KCNMA1: variants seen among roughly 807,000 people sequenced by gnomAD.
KCNMA1 encodes the protein Calcium-activated potassium channel subunit alpha-1.
In KCNMA1, 29 loss-of-function variants were observed where a neutral mutation model predicts 140.0. The ratio of observed to expected loss-of-function variants is 0.21; its 90% CI spans 0.15 to 0.28. The LOEUF (loss-of-function observed/expected upper bound fraction) is 0.28. KCNMA1 is among the 10% of genes least tolerant of loss of function. The probability of loss-of-function intolerance (pLI) is 1.00; values close to 1 mark genes in which losing one functional copy is unlikely to be tolerated. For synonymous variants in KCNMA1, 612 were observed against 611.9 expected, an observed-to-expected ratio of 1.00 and a Z score of 0.00; for missense variants, 880 against 1,602.2, an observed-to-expected ratio of 0.55 and a Z score of 7.70.
At chr10:77,601,476 T>C (rs1422744217) in intron 1 of KCNMA1, among the ~76,000 whole-genome samples, 1 of 152,172 alleles carries the variant, frequency 6.6e-6, no homozygotes, top group Admixed American at 6.5e-5. Context: ...CAAGCACAAA[T>C]AACACCATCG....
At chr10:76,946,335 G>A (rs1189058495) in intron 22 of KCNMA1, among the ~76,000 whole-genome samples, 1 of 152,192 alleles carries the variant, frequency 6.6e-6, no homozygotes, top group Non-Finnish European at 1.5e-5. Flanking sequence ...CTCTTTGCCT[G>A]TGTGGTGACC....
intron 19 of KCNMA1, among the ~76,000 whole-genome samples, chr10:76,972,059 C>T (rs982984108): frequency 5.9e-5 from 9 of 151,888 alleles, no homozygotes; most frequent in African/African-American, 7.3e-5. Flanking sequence ...ACTAACTAGA[C>T]GTATAAGACA....
At chr10:76,901,134 G>C (rs1321730006) in intron 25 of KCNMA1, among the ~76,000 whole-genome samples, 7 of 151,812 alleles carry the variant, frequency 4.6e-5, no homozygotes, top group Non-Finnish European at 1.0e-4. Flanking sequence ...AAAATACTCT[G>C]GATAAAATAT....
intron 1 of KCNMA1, among the ~76,000 whole-genome samples, chr10:77,597,679 T>A (rs144149586): frequency 0.022 from 3,327 of 152,304 alleles, 74 homozygotes; most frequent in Admixed American, 0.069. Flanking sequence ...ATTTCCTGCC[T>A]TTATTCCTGT....
chr10:77,518,544 T>A (rs541725886), intron 1 of KCNMA1, among the ~76,000 whole-genome samples: 1 of 152,120 alleles, frequency 6.6e-6, no homozygotes, highest in East Asian at 1.9e-4. Flanking sequence ...TAGGAGCACG[T>A]GTTAGTACTG....
chr10:77,377,096 GGCCTGGTCAGAGATGCTGGGACA>G (rs1174649045), intron 2 of KCNMA1, among the ~76,000 whole-genome samples: 1 of 152,150 alleles, frequency 6.6e-6, no homozygotes, highest in African/African-American at 2.4e-5. Flanking sequence ...AGGTGACCTT[GGCCTGGTCAGAGATGCTGGGACA>G]GCCTGGACGT....
At chr10:77,489,167 A>T (rs984584379) in intron 1 of KCNMA1, among the ~76,000 whole-genome samples, 1 of 152,224 alleles carries the variant, frequency 6.6e-6, no homozygotes, top group African/African-American at 2.4e-5. Context: ...TGCCAGTTAC[A>T]TTTGAAATTC....
chr10:77,251,870 TTC>T (rs2059728282), intron 2 of KCNMA1, among the ~76,000 whole-genome samples: 1 of 152,210 alleles, frequency 6.6e-6, no homozygotes, highest in Non-Finnish European at 1.5e-5. Flanking sequence ...CTAATCTACT[TTC>T]TGTCACTACA....
At chr10:77,010,010 T>A (rs142132993) in intron 18 of KCNMA1, among the ~76,000 whole-genome samples, 1 of 152,128 alleles carries the variant, frequency 6.6e-6, no homozygotes, top group Non-Finnish European at 1.5e-5. Context: ...AAACCAAAAA[T>A]AGCAGCTCAT....
intron 14 of KCNMA1, among the ~76,000 whole-genome samples, chr10:77,072,247 A>T (rs2096241447): frequency 6.6e-6 from 1 of 152,152 alleles, no homozygotes; most frequent in African/African-American, 2.4e-5. Flanking sequence ...CTCAAGCTAG[A>T]CCCGTTTTAC....
At chr10:77,035,023 G>T (rs1273309966) in intron 15 of KCNMA1, among the ~76,000 whole-genome samples, 1 of 152,060 alleles carries the variant, frequency 6.6e-6, no homozygotes, top group African/African-American at 2.4e-5. Flanking sequence ...CCTCCCTGGG[G>T]GTAGGGGAGT....
chr10:77,011,551 C>A lies in KCNMA1; in HGVS notation c.2092+416G>T, dbSNP rs564779344. 3.3e-5 allele frequency among the ~76,000 whole-genome samples: 5 copies of A among 152,300 alleles called. No individual in the cohort carries two copies. The South Asian group carries it at 1.0e-3, about 32-fold the overall frequency. The stretch of plus-strand genomic sequence containing the variant: ...AAAGAGTCAACTCCCATTTTGGAGA[C>A]CAAGTCCTCAGATTTAGTTTCTCTC... On this transcript the variant is annotated intron_variant, in intron 18 of 27. Coordinates refer to ENST00000286628, the MANE Select transcript of KCNMA1 (RefSeq NM_001161352.2).
At chr10:77,261,608 TA>T (rs2154266770) in intron 2 of KCNMA1, among the ~76,000 whole-genome samples, 1 of 152,348 alleles carries the variant, frequency 6.6e-6, no homozygotes, top group African/African-American at 2.4e-5. Context: ...AAAGCAGTTG[TA>T]ACAGGAAGTC....
At chr10:77,413,056 C>T (rs186535926) in intron 1 of KCNMA1, among the ~76,000 whole-genome samples, 16 of 152,180 alleles carry the variant, frequency 1.1e-4, no homozygotes, top group African/African-American at 3.9e-4. Flanking sequence ...CAGGGTTTCA[C>T]CATGTTGGCC....
intron 20 of KCNMA1, among the ~76,000 whole-genome samples, chr10:76,962,370 C>A (rs1450341550): frequency 6.6e-6 from 1 of 152,152 alleles, no homozygotes; most frequent in African/African-American, 2.4e-5. Context: ...CACGATAAGG[C>A]CTTTTCTGTC....
rs988064244 is a variant in KCNMA1 at position 76,896,800 on chromosome 10, A to G, written c.3148-5081T>C. ...AACTAAAATACAAAGTTTCTTTTTG[A>G]TGCCATGAACATGTTCTAAAATTGA... On this transcript the variant is annotated intron_variant, in intron 25 of 27. Coordinates refer to ENST00000286628, the MANE Select transcript of KCNMA1 (RefSeq NM_001161352.2). Among the ~76,000 whole-genome samples, 4 of 152,234 alleles carry G rather than the reference A, an allele frequency of 2.6e-5. No individual in the cohort carries two copies. The East Asian group carries it at 7.7e-4, about 29-fold the overall frequency.
At chr10:77,345,796 C>G (rs1344960906) in intron 2 of KCNMA1, among the ~76,000 whole-genome samples, 1 of 152,188 alleles carries the variant, frequency 6.6e-6, no homozygotes, top group Admixed American at 6.5e-5. Flanking sequence ...TTGAACACGG[C>G]TTTGTGCTTG....
intron 5 of KCNMA1, among the ~76,000 whole-genome samples, chr10:77,170,631 A>G (rs1435141173): frequency 6.6e-6 from 1 of 151,944 alleles, no homozygotes; most frequent in Admixed American, 6.6e-5. Flanking sequence ...TTGGCCTGGG[A>G]CCTCCCTCCG....
intron 3 of KCNMA1, among the ~76,000 whole-genome samples, chr10:77,204,548 G>A (rs1450425204): frequency 6.6e-6 from 1 of 152,152 alleles, no homozygotes; most frequent in African/African-American, 2.4e-5. Flanking sequence ...TTGAAATGAA[G>A]TTGCCCCTGT....
Sources: allele counts gnomAD v4.1 joint callset (sites outside exome capture counted in the v4.1 genomes callset), GRCh38; gene constraint gnomAD v4.1.1; transcripts MANE v1.5; gene names NCBI Gene and HGNC (gene_info 2026-07-23, HGNC 2026-07-21).